FHIT: variants seen among roughly 807,000 people sequenced by gnomAD.
FHIT encodes fragile histidine triad diadenosine triphosphatase, also known as bis(5'-adenosyl)-triphosphatase.
FHIT carries 19 observed loss-of-function variants against 17.9 expected under a neutral mutation model. The ratio of observed to expected loss-of-function variants is 1.06; its 90% confidence interval spans 0.74 to 1.56. The LOEUF is 1.56. FHIT is among the 40% of genes most tolerant of loss of function. FHIT has a pLI of 0.00. For missense variants in FHIT, 248 were observed against 189.2 expected, an observed-to-expected ratio of 1.31 and a Z score of -1.82; for synonymous variants, 81 against 69.7, an observed-to-expected ratio of 1.16 and a Z score of -0.81.
chr3:60,042,959 G>A (rs1307075716), intron 5 of FHIT, among the ~76,000 whole-genome samples: 3 of 152,220 alleles, frequency 2.0e-5, no homozygotes, highest in Middle Eastern at 3.4e-3. Context: ...TGTCTACTGT[G>A]GCAAGGCATT....
At chr3:60,739,270 CTTGCA>C (rs1209207081) in intron 4 of FHIT, among the ~76,000 whole-genome samples, 13 of 152,208 alleles carry the variant, frequency 8.5e-5, no homozygotes, top group African/African-American at 2.9e-4. Flanking sequence ...GCCCTCTGCC[CTTGCA>C]GAAAGGCAGA....
rs368614439 is a variant in FHIT at position 60,194,628 on chromosome 3, C to A, written c.104-180476G>T. ...AAAAGCTTCTGCACAGCAAAAGAAA[C>A]AATCATCACAGTAAAAAGCCCACAG... On this transcript the variant is annotated intron_variant, in intron 5 of 9. Coordinates refer to ENST00000492590, the MANE Select transcript of FHIT (RefSeq NM_002012.4). Among the ~76,000 whole-genome samples the A allele has an allele frequency of 4.6e-5, 7 of 152,204 alleles. No homozygotes were observed. In the East Asian group the frequency reaches 5.8e-4, roughly 13 times the overall value.
chr3:59,989,745 A>G (rs1312455398), intron 7 of FHIT, among the ~76,000 whole-genome samples: 1 of 151,754 alleles, frequency 6.6e-6, no homozygotes, highest in Admixed American at 6.6e-5. Context: ...CATCACCCTG[A>G]CCTCCCTTCC....
At chr3:60,995,882 A>G (rs561228371) in intron 3 of FHIT, among the ~76,000 whole-genome samples, 1 of 152,352 alleles carries the variant, frequency 6.6e-6, no homozygotes, top group African/African-American at 2.4e-5. Context: ...TGTAAGGAGT[A>G]AAAGGATTTA....
chr3:60,694,784 A>T (rs1376655857), intron 4 of FHIT, among the ~76,000 whole-genome samples: 1 of 152,134 alleles, frequency 6.6e-6, no homozygotes, highest in Non-Finnish European at 1.5e-5. Flanking sequence ...TGAAGCTGGA[A>T]ACCATCATTC....
At chr3:60,480,923 C>A (rs1389451933) in intron 5 of FHIT, among the ~76,000 whole-genome samples, 3 of 152,240 alleles carry the variant, frequency 2.0e-5, no homozygotes, top group Non-Finnish European at 4.4e-5. Context: ...CACAGCTCCA[C>A]TAGGCAGTGC....
intron 2 of FHIT, among the ~76,000 whole-genome samples, chr3:61,158,231 A>G (rs1338280169): frequency 1.3e-5 from 2 of 152,238 alleles, no homozygotes; most frequent in African/African-American, 4.8e-5. Context: ...AAGACTTTTT[A>G]TTAAATGCAA....
At chr3:60,573,132 C>T (rs1553656302) in intron 4 of FHIT, among the ~76,000 whole-genome samples, 1 of 152,092 alleles carries the variant, frequency 6.6e-6, no homozygotes, top group Non-Finnish European at 1.5e-5. Context: ...GCTAGAAAGC[C>T]TGGGGTCAGG....
At chr3:60,708,626 C>T (rs955514725) in intron 4 of FHIT, among the ~76,000 whole-genome samples, 1 of 152,102 alleles carries the variant, frequency 6.6e-6, no homozygotes, top group Non-Finnish European at 1.5e-5. Flanking sequence ...GGAGGCTGTT[C>T]TAAAGGAAAA....
At chr3:61,028,873 A>G (rs1187358200) in intron 3 of FHIT, among the ~76,000 whole-genome samples, 2 of 151,404 alleles carry the variant, frequency 1.3e-5, no homozygotes, top group Non-Finnish European at 2.9e-5. Flanking sequence ...GGAAGAAAAT[A>G]AGCACCCCCC....
intron 7 of FHIT, among the ~76,000 whole-genome samples, chr3:59,965,922 C>T (rs1314023584): frequency 1.3e-5 from 2 of 152,150 alleles, no homozygotes; most frequent in African/African-American, 2.4e-5. Context: ...ATGACCAAGA[C>T]AGACTGGGAA....
At chr3:59,770,942 G>A (rs923057182) in intron 8 of FHIT, among the ~76,000 whole-genome samples, 1 of 152,196 alleles carries the variant, frequency 6.6e-6, no homozygotes, top group Admixed American at 6.5e-5. Flanking sequence ...GAAGCACTAT[G>A]AACACTGTAA....
At chr3:59,971,836 G>C (rs1055712589) in intron 7 of FHIT, among the ~76,000 whole-genome samples, 6 of 152,114 alleles carry the variant, frequency 3.9e-5, no homozygotes, top group African/African-American at 1.4e-4. Flanking sequence ...CAGATGAAAC[G>C]AGTTACCACA....
intron 4 of FHIT, among the ~76,000 whole-genome samples, chr3:60,546,451 C>T (rs1559528705): frequency 6.6e-6 from 1 of 152,156 alleles, no homozygotes; most frequent in Non-Finnish European, 1.5e-5. Context: ...ATCCCATCTT[C>T]GTCATGTCCT....
intron 5 of FHIT, among the ~76,000 whole-genome samples, chr3:60,243,350 A>G (rs1705229640): frequency 6.6e-6 from 1 of 152,142 alleles, no homozygotes; most frequent in African/African-American, 2.4e-5. Flanking sequence ...GCAAACAAAG[A>G]AACAAATAAC....
At chr3:60,042,428 A>G (rs111993747) in intron 5 of FHIT, among the ~76,000 whole-genome samples, 2,170 of 152,256 alleles carry the variant, frequency 0.014, 26 homozygotes, top group Non-Finnish European at 0.022. Flanking sequence ...CACAGTTCTG[A>G]GGACAGGGGC....
At chr3:59,970,711 G>C (rs991995931) in intron 7 of FHIT, among the ~76,000 whole-genome samples, 3 of 151,918 alleles carry the variant, frequency 2.0e-5, no homozygotes, top group Middle Eastern at 3.2e-3. Context: ...CCTGCCATTT[G>C]TTAATTTTTG....
intron 5 of FHIT, among the ~76,000 whole-genome samples, chr3:60,022,856 G>T (rs952749774): frequency 6.6e-6 from 1 of 152,168 alleles, no homozygotes; most frequent in African/African-American, 2.4e-5. Flanking sequence ...CATTCTTAAT[G>T]ATATAGAAGT....
At chr3:60,559,743 GA>G (rs1156265237) in intron 4 of FHIT, among the ~76,000 whole-genome samples, 1 of 105,628 alleles carries the variant, frequency 9.5e-6, no homozygotes, top group Non-Finnish European at 2.1e-5. Flanking sequence ...TAGAAGATGA[GA>G]AAAAGCATGT....
Sources: allele counts gnomAD v4.1 joint callset (sites outside exome capture counted in the v4.1 genomes callset), GRCh38; gene constraint gnomAD v4.1.1; transcripts MANE v1.5; gene names NCBI Gene and HGNC (gene_info 2026-07-23, HGNC 2026-07-21).